ENOX1: variants seen among roughly 807,000 people sequenced by gnomAD.
ENOX1 encodes ecto-NOX disulfide-thiol exchanger 1, also known as candidate growth-related and time keeping constitutive hydroquinone (NADH) oxidase.
In ENOX1, 42 loss-of-function variants were observed where a neutral mutation model predicts 82.5. That is an observed-to-expected ratio of 0.51 (90% CI 0.40 to 0.66). The LOEUF is 0.66. ENOX1 is among the 30% of genes least tolerant of loss of function. ENOX1 has a pLI of 0.00. For missense variants in ENOX1, 608 were observed against 811.6 expected, an observed-to-expected ratio of 0.75 and a Z score of 3.05; for synonymous variants, 271 against 282.2, an observed-to-expected ratio of 0.96 and a Z score of 0.40.
In ENOX1 at chr13:43,217,365, A is replaced by G. The variant is rs185136793; in HGVS notation, c.1801-3244T>C. Among the ~76,000 whole-genome samples the G allele has an allele frequency of 1.4e-3, 206 of 152,312 alleles. 2 individuals carry two copies. Among genetic ancestry groups the G allele is most frequent in the Non-Finnish European group, 2.8e-4 (19 of 68,030 alleles). ...TCGGGCACCCCCACATTAACCATCC[A>G]TCAAAACGGTAAGCAAATCATGGGA... On this transcript the variant is annotated intron_variant, in intron 16 of 16. Transcript: ENST00000690772.
At chr13:43,488,336 G>A (rs1359097178) in intron 2 of ENOX1, among the ~76,000 whole-genome samples, 2 of 152,182 alleles carry the variant, frequency 1.3e-5, no homozygotes, top group Non-Finnish European at 2.9e-5. Context: ...TGCAAACACA[G>A]CAATATTCCC....
chr13:43,276,286 T>C (rs1184033807), intron 12 of ENOX1, among the ~76,000 whole-genome samples: 5 of 152,150 alleles, frequency 3.3e-5, no homozygotes, highest in Non-Finnish European at 7.3e-5. Context: ...TACGTGGCAA[T>C]ACCCATGAGT....
At chr13:43,254,480 A>C (rs191881856) in intron 14 of ENOX1, among the ~76,000 whole-genome samples, 9 of 152,318 alleles carry the variant, frequency 5.9e-5, no homozygotes, top group African/African-American at 1.9e-4. Flanking sequence ...ATTAAAAAAA[A>C]ATCAGTGAAT....
intron 1 of ENOX1, among the ~76,000 whole-genome samples, chr13:43,704,097 T>C (rs1167826213): frequency 6.6e-6 from 1 of 152,008 alleles, no homozygotes; most frequent in Non-Finnish European, 1.5e-5. Context: ...GAGTGCACTT[T>C]AATAAGTTAG....
intron 1 of ENOX1, among the ~76,000 whole-genome samples, chr13:43,753,615 C>T (rs7336782): frequency 0.097 from 14,824 of 152,122 alleles, 923 homozygotes; most frequent in African/African-American, 0.16. Context: ...GGGAAAGACA[C>T]GCTGTGGAAA....
intron 5 of ENOX1, among the ~76,000 whole-genome samples, chr13:43,396,692 A>C (rs1428489946): frequency 6.6e-6 from 1 of 152,178 alleles, no homozygotes; most frequent in Non-Finnish European, 1.5e-5. Context: ...AGATTACCTT[A>C]ACCACAGGAG....
chr13:43,664,409 A>T (rs1380596539), intron 2 of ENOX1, among the ~76,000 whole-genome samples: 2 of 152,234 alleles, frequency 1.3e-5, no homozygotes, highest in Non-Finnish European at 2.9e-5. Flanking sequence ...TGTTAGATAC[A>T]CATAAGTTAA....
chr13:43,729,231 AATGTATAAGAGCTAAAT>A (rs1313984418), intron 1 of ENOX1, among the ~76,000 whole-genome samples: 1 of 152,236 alleles, frequency 6.6e-6, no homozygotes, highest in Non-Finnish European at 1.5e-5. Context: ...ATGTCAAGAT[AATGTATAAGAGCTAAAT>A]AAGTATCTAT....
chr13:43,310,842 A>G (rs565728614), intron 11 of ENOX1, among the ~76,000 whole-genome samples: 1 of 152,160 alleles, frequency 6.6e-6, no homozygotes, highest in South Asian at 2.1e-4. Flanking sequence ...AGGTCACCTC[A>G]TAAACTTGCC....
intron 1 of ENOX1, among the ~76,000 whole-genome samples, chr13:43,698,914 G>C (rs1313896452): frequency 6.6e-6 from 1 of 152,142 alleles, no homozygotes; most frequent in African/African-American, 2.4e-5. Context: ...CTAGTAAAGA[G>C]CCTGTGAAAA....
intron 16 of ENOX1, among the ~76,000 whole-genome samples, chr13:43,218,829 A>C (rs1446650761): frequency 6.6e-6 from 1 of 152,176 alleles, no homozygotes; most frequent in African/African-American, 2.4e-5. Flanking sequence ...TTCAAGAGAA[A>C]ATTCAATTTG....
intron 2 of ENOX1, among the ~76,000 whole-genome samples, chr13:43,561,787 C>T (rs868751502): frequency 6.6e-6 from 1 of 152,060 alleles, no homozygotes; most frequent in East Asian, 1.9e-4. Context: ...TCAAGACCAG[C>T]TTGGGCTACA....
At chr13:43,615,000 G>A (rs1257290785) in intron 2 of ENOX1, among the ~76,000 whole-genome samples, 1 of 152,124 alleles carries the variant, frequency 6.6e-6, no homozygotes, top group Non-Finnish European at 1.5e-5. Context: ...TATAAAATTT[G>A]AATATATTTT....
chr13:43,774,835 A>G (rs1437549677), intron 1 of ENOX1, among the ~76,000 whole-genome samples: 2 of 152,126 alleles, frequency 1.3e-5, no homozygotes, highest in African/African-American at 4.8e-5. Context: ...ACAAGCCACA[A>G]GCAATCTTTC....
chr13:43,386,900 G>A (rs1448087252), intron 5 of ENOX1, among the ~76,000 whole-genome samples: 2 of 151,850 alleles, frequency 1.3e-5, no homozygotes, highest in African/African-American at 4.8e-5. Context: ...AACTTGACGT[G>A]GTAACATTAT....
intron 2 of ENOX1, among the ~76,000 whole-genome samples, chr13:43,654,700 G>A (rs926067731): frequency 1.3e-5 from 2 of 152,070 alleles, no homozygotes; most frequent in African/African-American, 4.8e-5. Flanking sequence ...GACAAATAAG[G>A]GTGAATTTTA....
chr13:43,502,217 C>A (rs2077005576), intron 2 of ENOX1, among the ~76,000 whole-genome samples: 1 of 151,414 alleles, frequency 6.6e-6, no homozygotes, highest in South Asian at 2.1e-4. Context: ...ATAAGGAGAG[C>A]TAATAAGTAA....
intron 14 of ENOX1, among the ~76,000 whole-genome samples, chr13:43,254,875 G>A (rs2043657643): frequency 6.6e-6 from 1 of 152,116 alleles, no homozygotes; most frequent in Non-Finnish European, 1.5e-5. Flanking sequence ...AACAAGTAAT[G>A]AGATTGAAGC....
chr13:43,720,017 T>C (rs1433585037), intron 1 of ENOX1, among the ~76,000 whole-genome samples: 3 of 152,320 alleles, frequency 2.0e-5, no homozygotes, highest in African/African-American at 4.8e-5. Context: ...TCAAGATGTA[T>C]ATCTTTAACT....
Sources: allele counts gnomAD v4.1 joint callset (sites outside exome capture counted in the v4.1 genomes callset), GRCh38; gene constraint gnomAD v4.1.1; transcripts MANE v1.5; gene names NCBI Gene and HGNC (gene_info 2026-07-23, HGNC 2026-07-21).